Variants in PDZD2 observed in about 807,000 individuals in gnomAD.
PDZD2 encodes the protein PDZ domain-containing protein 2.
PDZD2 carries 90 observed loss-of-function variants against 220.7 expected under a neutral mutation model. The ratio of observed to expected loss-of-function variants is 0.41; its 90% CI spans 0.34 to 0.49. The LOEUF (loss-of-function observed/expected upper bound fraction) is 0.49. PDZD2 is among the 20% of genes least tolerant of loss of function. PDZD2 has a pLI of 0.28. For missense variants in PDZD2, 3,174 were observed against 3,608.5 expected (o/e 0.88, Z 3.08); for synonymous variants, 1,375 against 1,450.5 (o/e 0.95, Z 1.18).
At chr5:32,030,479 C>A (rs1205731937) in intron 6 of PDZD2, among the ~76,000 whole-genome samples, 4 of 152,354 alleles carry the variant, frequency 2.6e-5, no homozygotes, top group East Asian at 1.9e-4. Context: ...TATCCTTCCC[C>A]TTTGGGAAAG....
At position 32,000,544 on chromosome 5, in the gene PDZD2, CTT is replaced by C. The variant is rs1166903355; in HGVS notation, c.1254+274_1254+275del. Among the ~76,000 whole-genome samples the C allele has an allele frequency of 6.6e-6, 1 of 151,922 alleles. No individual in the cohort carries two copies. The highest frequency in any genetic ancestry group is 1.5e-5 in the Non-Finnish European group (1 of 68,006). ...GTTTTTTTTGAGACGGAGTTTCACT[CTT>C]GTTGCCTAGTCTGGAGTGCAATGGC... On this transcript the variant is annotated intron_variant, in intron 5 of 24. Coordinates refer to ENST00000438447, the MANE Select transcript of PDZD2 (RefSeq NM_178140.4). This position sits in a 1 kb window ranked among gnomAD's most constrained non-coding sequence, Gnocchi z 4.5.
chr5:31,769,828 C>T (rs897465909), intron 1 of PDZD2, among the ~76,000 whole-genome samples: 2 of 152,138 alleles, frequency 1.3e-5, no homozygotes, highest in African/African-American at 4.8e-5. Flanking sequence ...TGATGGTATT[C>T]TTGTTGATGA....
chr5:31,743,809 A>G (rs1416839057), intron 1 of PDZD2, among the ~76,000 whole-genome samples: 3 of 152,152 alleles, frequency 2.0e-5, no homozygotes, highest in Admixed American at 6.5e-5. Context: ...TGGAAGAAAC[A>G]TGCCCCACGG....
At chr5:32,097,619 G>A (rs960461823) in intron 22 of PDZD2, among the ~76,000 whole-genome samples, 2 of 152,090 alleles carry the variant, frequency 1.3e-5, no homozygotes, top group Admixed American at 6.5e-5. Flanking sequence ...AACACAATTC[G>A]CTATAGCCTT....
At chr5:31,689,263 G>GTA (rs1746999245) in intron 1 of PDZD2, among the ~76,000 whole-genome samples, 1 of 107,882 alleles carries the variant, frequency 9.3e-6, no homozygotes, top group African/African-American at 4.1e-5. Flanking sequence ...GTGTGTGTGT[G>GTA]TATACATATA....
chr5:31,845,856 A>G (rs1404539814), intron 2 of PDZD2, among the ~76,000 whole-genome samples: 2 of 152,230 alleles, frequency 1.3e-5, no homozygotes, highest in South Asian at 2.1e-4. Context: ...TATGTGTTCA[A>G]TACATGCTAG....
At chr5:31,983,118 T>C in intron 2 of PDZD2, 37 bp from the exon 3 acceptor site, 2 of 1,587,076 alleles carry the variant, frequency 1.3e-6, no homozygotes, top group Non-Finnish European at 1.7e-6. Context: ...AGGAAGGGTG[T>C]GTGGGGTTCT....
intron 2 of PDZD2, among the ~76,000 whole-genome samples, chr5:31,855,353 G>C (rs1561512537): frequency 6.6e-6 from 1 of 152,374 alleles, no homozygotes; most frequent in Non-Finnish European, 1.5e-5. Flanking sequence ...TAAAGTGGGG[G>C]ATTTGCGTGT....
intron 2 of PDZD2, chr5:31,847,373 C>T (rs1053212551): frequency 8.3e-5 from 36 of 434,212 alleles, no homozygotes; most frequent in South Asian, 3.6e-4. Flanking sequence ...TGCTAAGAAA[C>T]GCTTGGTGAT....
chr5:31,764,058 C>T lies in PDZD2; in HGVS notation c.-360-34831C>T, dbSNP rs147653460. ...GCAGAACTGCAGGAGAGGGCACCTG[C>T]TGCCCGTCACGGATGTCCACCCAAT... On this transcript the variant is annotated intron_variant, in intron 1 of 24. Transcript: ENST00000438447. 2.6e-4 allele frequency among the ~76,000 whole-genome samples: 40 copies of T among 152,264 alleles called. No individual in the cohort carries two copies. In the East Asian group the frequency reaches 7.3e-3, roughly 28 times the overall value.
chr5:31,731,748 T>C (rs1749549154), intron 1 of PDZD2, among the ~76,000 whole-genome samples: 2 of 152,248 alleles, frequency 1.3e-5, no homozygotes, highest in Non-Finnish European at 1.5e-5. Context: ...CATTCATCTG[T>C]TGATGAACAT....
chr5:31,890,252 C>T (rs1171410234), intron 2 of PDZD2, among the ~76,000 whole-genome samples: 1 of 150,538 alleles, frequency 6.6e-6, no homozygotes, highest in Non-Finnish European at 1.5e-5. Flanking sequence ...AATACGGCAG[C>T]CACTAGCCAC....
intron 5 of PDZD2, among the ~76,000 whole-genome samples, chr5:32,006,353 A>ATTTTTTTT: frequency 7.4e-6 from 1 of 134,358 alleles, no homozygotes; most frequent in African/African-American, 2.7e-5. Context: ...AGGAAGTACA[A>ATTTTTTTT]TTTTTTTTTT....
In PDZD2 at chr5:31,953,378, A is replaced by G. The variant is rs574468304; in HGVS notation, c.477-29777A>G. Among the ~76,000 whole-genome samples the G allele has an allele frequency of 3.3e-5, 5 of 152,340 alleles. No individual in the cohort carries two copies. In the South Asian group the frequency reaches 1.0e-3, roughly 32 times the overall value. ...TTCCAGATGAGATAAAAATAGCTAAACATAAAATCTGTGAAAATATTAGAA... is the reference window on the plus strand; with the variant it reads ...TTCCAGATGAGATAAAAATAGCTAAGCATAAAATCTGTGAAAATATTAGAA... On this transcript the variant is annotated intron_variant, in intron 2 of 24. Coordinates refer to ENST00000438447, the MANE Select transcript of PDZD2 (RefSeq NM_178140.4).
chr5:31,695,995 C>T (rs1312946470), intron 1 of PDZD2, among the ~76,000 whole-genome samples: 8 of 152,144 alleles, frequency 5.3e-5, no homozygotes, highest in Admixed American at 5.2e-4. Flanking sequence ...TTTTTTCACC[C>T]TTCTCTATTT....
intron 2 of PDZD2, among the ~76,000 whole-genome samples, chr5:31,975,480 C>G: frequency 6.6e-6 from 1 of 152,246 alleles, no homozygotes; most frequent in Admixed American, 6.5e-5. Context: ...TGGGTGGGCA[C>G]CCAGCCAAAC....
chr5:32,059,988 C>T (rs147940368), intron 13 of PDZD2, among the ~76,000 whole-genome samples: 4 of 152,278 alleles, frequency 2.6e-5, no homozygotes, highest in African/African-American at 7.2e-5. Context: ...CCCACCTAAA[C>T]GTCACAAGAA....
chr5:32,036,438 A>AT (rs1755562830), intron 6 of PDZD2, among the ~76,000 whole-genome samples: 1 of 152,266 alleles, frequency 6.6e-6, no homozygotes, highest in African/African-American at 2.4e-5. Flanking sequence ...TTACCCCACA[A>AT]TTTTTTATAA....
chr5:31,704,307 CG>C (rs995772572), intron 1 of PDZD2, among the ~76,000 whole-genome samples: 1 of 152,188 alleles, frequency 6.6e-6, no homozygotes, highest in Non-Finnish European at 1.5e-5. Context: ...GCCACTGCAT[CG>C]GGCCAATACT....
Sources: allele counts gnomAD v4.1 joint callset (sites outside exome capture counted in the v4.1 genomes callset), GRCh38; gene constraint gnomAD v4.1.1; non-coding constraint Gnocchi (gnomAD v3.1); transcripts MANE v1.5; gene names NCBI Gene and HGNC (gene_info 2026-07-23, HGNC 2026-07-21).